ACSS1: variants seen among roughly 807,000 people sequenced by gnomAD.
ACSS1 encodes acyl-CoA synthetase short chain family member 1.
A neutral mutation model predicts 75.3 loss-of-function variants in ACSS1; 42 were observed. That is an observed-to-expected ratio of 0.56 (90% CI 0.44 to 0.72). ACSS1 has a LOEUF of 0.72. Among genes scored for constraint, ACSS1 ranks in the 30% least tolerant of loss-of-function variants. The pLI, the probability that ACSS1 is intolerant of heterozygous loss-of-function variation, is 0.00. For synonymous variants in ACSS1, 380 were observed against 376.8 expected (o/e 1.01, Z -0.10); for missense variants, 782 against 935.7 (o/e 0.84, Z 2.14).
chr20:25,024,539 C>T (rs943809461), intron 3 of ACSS1, among the ~76,000 whole-genome samples: 1 of 152,212 alleles, frequency 6.6e-6, no homozygotes, highest in Non-Finnish European at 1.5e-5. Flanking sequence ...AGGCCTCTTG[C>T]AGAGCTATGG....
At chr20:25,025,530 T>C (rs2088700554) in intron 3 of ACSS1, among the ~76,000 whole-genome samples, 1 of 152,206 alleles carries the variant, frequency 6.6e-6, no homozygotes, top group South Asian at 2.1e-4. Flanking sequence ...AGTTCTGTCG[T>C]CTGGACAGGC....
At chr20:25,056,336 G>A (rs1383960380) in intron 1 of ACSS1, among the ~76,000 whole-genome samples, 2 of 152,088 alleles carry the variant, frequency 1.3e-5, no homozygotes, top group Non-Finnish European at 2.9e-5. Context: ...AAACCAAAGG[G>A]TTTGGTTTTT....
At chr20:25,029,326 G>A (rs1464309072) in intron 3 of ACSS1, among the ~76,000 whole-genome samples, 1 of 152,158 alleles carries the variant, frequency 6.6e-6, no homozygotes, top group East Asian at 1.9e-4. Context: ...ACCACAATGA[G>A]ATACAACTTC....
At chr20:25,028,183 A>T (rs561749131) in intron 3 of ACSS1, among the ~76,000 whole-genome samples, 2 of 152,258 alleles carry the variant, frequency 1.3e-5, no homozygotes. Flanking sequence ...ATATGGCAAT[A>T]CCTTCCAATT....
chr20:25,057,230 C>G (rs1359287350), intron 1 of ACSS1, among the ~76,000 whole-genome samples: 1 of 152,210 alleles, frequency 6.6e-6, no homozygotes, highest in African/African-American at 2.4e-5. Context: ...CCAGCTGCCA[C>G]GCCGAGTTTC....
chr20:25,027,779 C>CAAAAAAAAAAAAAAA (rs78414153), intron 3 of ACSS1, among the ~76,000 whole-genome samples: 1 of 75,362 alleles, frequency 1.3e-5, no homozygotes. Flanking sequence ...AGTGATCAGG[C>CAAAAAAAAAAAAAAA]AAAAAAAAAA....
intron 7 of ACSS1, among the ~76,000 whole-genome samples, chr20:25,018,506 G>A (rs965611929): frequency 1.3e-4 from 20 of 152,206 alleles, no homozygotes; most frequent in African/African-American, 4.6e-4. Flanking sequence ...TGGGGGCACA[G>A]AGCCCATCAA....
chr20:25,048,688 C>A (rs1568849853), intron 1 of ACSS1, among the ~76,000 whole-genome samples: 1 of 152,254 alleles, frequency 6.6e-6, no homozygotes, highest in Non-Finnish European at 1.5e-5. Flanking sequence ...GGACCCAACT[C>A]CCCCACGTGT....
intron 8 of ACSS1, among the ~76,000 whole-genome samples, chr20:25,014,884 T>C (rs531312020): frequency 1.3e-5 from 2 of 152,112 alleles, no homozygotes; most frequent in South Asian, 4.2e-4. Flanking sequence ...CCCAGGCGTG[T>C]GGGGGGCGCC....
chr20:25,016,947 C>T (rs1278909243), intron 7 of ACSS1, among the ~76,000 whole-genome samples: 2 of 152,156 alleles, frequency 1.3e-5, no homozygotes, highest in South Asian at 4.1e-4. Context: ...GGAGCAACAA[C>T]CCCTGGAGCA....
chr20:25,025,850 G>C (rs927397661), intron 3 of ACSS1, among the ~76,000 whole-genome samples: 3 of 152,074 alleles, frequency 2.0e-5, no homozygotes, highest in Admixed American at 2.0e-4. Flanking sequence ...CCTCTAGTTG[G>C]AGCAAGTTCT....
chr20:25,032,618 A>G, intron 2 of ACSS1: 1 of 1,231,894 alleles, frequency 8.1e-7, no homozygotes. Flanking sequence ...GCAGGGGCCC[A>G]GAAAGCAGAC....
At chr20:25,052,583 T>A (rs1407030893) in intron 1 of ACSS1, among the ~76,000 whole-genome samples, 4 of 152,236 alleles carry the variant, frequency 2.6e-5, no homozygotes, top group Admixed American at 2.6e-4. Context: ...GTGGACTTAC[T>A]CATTTACTGA....
intron 3 of ACSS1, among the ~76,000 whole-genome samples, chr20:25,024,854 G>A (rs116719987): frequency 0.011 from 1,666 of 152,234 alleles, 34 homozygotes; most frequent in African/African-American, 0.038. Context: ...AGCACCATCC[G>A]GGGGTCAGAG....
intron 1 of ACSS1, among the ~76,000 whole-genome samples, chr20:25,048,603 C>T (rs1416834143): frequency 6.6e-6 from 1 of 152,208 alleles, no homozygotes; most frequent in Non-Finnish European, 1.5e-5. Context: ...GTTCCTGTTT[C>T]AGGGCTTGGC....
At chr20:25,052,535 C>T (rs1045505415) in intron 1 of ACSS1, among the ~76,000 whole-genome samples, 2 of 152,248 alleles carry the variant, frequency 1.3e-5, no homozygotes, top group Non-Finnish European at 1.5e-5. Flanking sequence ...TGTAGACTGG[C>T]GTTGGGAATT....
At chr20:25,051,364 G>A (rs917474672) in intron 1 of ACSS1, among the ~76,000 whole-genome samples, 14 of 152,230 alleles carry the variant, frequency 9.2e-5, no homozygotes, top group Non-Finnish European at 1.8e-4. Flanking sequence ...ATATTGAGGT[G>A]TAACTGGCAC....
chr20:25,024,660 G>A (rs574050209), intron 3 of ACSS1, among the ~76,000 whole-genome samples: 144 of 152,264 alleles, frequency 9.5e-4, no homozygotes, highest in African/African-American at 3.0e-3. Flanking sequence ...CCACATTCCC[G>A]TCCAGAGCCA....
chr20:25,033,818 TTGG>T (rs1227882079), intron 2 of ACSS1, among the ~76,000 whole-genome samples: 2 of 152,130 alleles, frequency 1.3e-5, no homozygotes, highest in Non-Finnish European at 2.9e-5. Flanking sequence ...AGATTGGCTG[TTGG>T]GAGGAGGACT....
Sources: allele counts gnomAD v4.1 joint callset (sites outside exome capture counted in the v4.1 genomes callset), GRCh38; gene constraint gnomAD v4.1.1; transcripts MANE v1.5; gene names NCBI Gene and HGNC (gene_info 2026-07-23, HGNC 2026-07-21).